The following TMTC1 variants were observed in gnomAD, a reference collection of about 807,000 sequenced individuals.
TMTC1 encodes transmembrane O-mannosyltransferase targeting cadherins 1.
TMTC1 carries 73 observed loss-of-function variants against 104.8 expected under a neutral mutation model. That is an observed-to-expected ratio of 0.70 (90% confidence interval 0.58 to 0.85). TMTC1 has a LOEUF of 0.85. Among genes scored for constraint, TMTC1 ranks in the 40% least tolerant of loss-of-function variants. The pLI is 0.00. For synonymous variants in TMTC1, 434 were observed against 428.7 expected (o/e 1.01, Z -0.15); for missense variants, 1,035 against 1,096.1 (o/e 0.94, Z 0.79).
rs73073469 is a variant in TMTC1, at chr12:29,651,040, G to A, written c.939-17704C>T. Among the ~76,000 whole-genome samples the A allele has an allele frequency of 5.6e-3, 850 of 152,290 alleles. 1 individual carries two copies. Among genetic ancestry groups the A allele is most frequent in the Non-Finnish European group, 9.3e-3 (632 of 68,018 alleles). On this transcript the variant is annotated intron_variant, in intron 5 of 17. Coordinates refer to ENST00000539277, the MANE Select transcript of TMTC1 (RefSeq NM_001193451.2). ...TTTGATTTTCTTCTGAGGCACACGGGGGGCTACGCTTTCCAGCCCCTTTGC... is the reference window on the plus strand; with the variant it reads ...TTTGATTTTCTTCTGAGGCACACGGAGGGCTACGCTTTCCAGCCCCTTTGC...
intron 15 of TMTC1, among the ~76,000 whole-genome samples, 154 bp downstream of exon 15, chr12:29,516,195 G>A (rs536804324): frequency 1.1e-4 from 17 of 152,198 alleles, no homozygotes; most frequent in African/African-American, 3.9e-4. Context: ...GGTGTTAAGG[G>A]GATATCTGTG....
chr12:29,741,327 AC>A (rs1942819036), intron 5 of TMTC1, among the ~76,000 whole-genome samples: 1 of 152,182 alleles, frequency 6.6e-6, no homozygotes, highest in Non-Finnish European at 1.5e-5. Flanking sequence ...TTTAGGATCA[AC>A]CTCTAACTCT....
intron 9 of TMTC1, among the ~76,000 whole-genome samples, chr12:29,566,275 C>T (rs1313841890): frequency 1.3e-5 from 2 of 152,116 alleles, no homozygotes; most frequent in Non-Finnish European, 2.9e-5. Flanking sequence ...CTGGCATGCA[C>T]GTGCCTGCAG....
intron 7 of TMTC1, among the ~76,000 whole-genome samples, chr12:29,596,616 A>G (rs993065782): frequency 7.2e-5 from 11 of 152,206 alleles, no homozygotes; most frequent in Admixed American, 2.0e-4. Context: ...ACATAAGCAC[A>G]CACATCCTCA....
chr12:29,564,942 GAA>G (rs150205558), intron 9 of TMTC1, among the ~76,000 whole-genome samples: 3,927 of 152,260 alleles, frequency 0.026, 182 homozygotes, highest in African/African-American at 0.089. Context: ...GAGCAGAAAA[GAA>G]GAGATCAGCC....
At position 29,768,014 on chromosome 12, in the gene TMTC1, G is replaced by A; in HGVS notation, c.364C>T (p.His122Tyr). Residue 122 changes from histidine to tyrosine, a missense_variant, in exon 2 of 18, where the codon CAC becomes TAC. Coordinates refer to ENST00000539277, the MANE Select transcript of TMTC1 (RefSeq NM_001193451.2). Reference sequence around the variant, plus strand: ...ATCAGCACAAGAGTCACTAAGCAGTGTAAAATTATATTTACTGCATGAAAG... The same window carrying A: ...ATCAGCACAAGAGTCACTAAGCAGTATAAAATTATATTTACTGCATGAAAG... Reference protein sequence around the residue: ...FYFHAVNIILHCLVTLVLMYT... With the variant: ...FYFHAVNIILYCLVTLVLMYT... The A allele has an allele frequency of 6.2e-7, 1 of 1,613,580 alleles. No homozygotes were observed. The highest frequency in any genetic ancestry group is 8.5e-7 in the Non-Finnish European group (1 of 1,179,726).
At chr12:29,521,814 C>T (rs754873541) in intron 11 of TMTC1, among the ~76,000 whole-genome samples, 3 of 152,078 alleles carry the variant, frequency 2.0e-5, no homozygotes, top group African/African-American at 7.2e-5. Context: ...GTGATCCGCC[C>T]GTCTTGGCCT....
chr12:29,676,691 A>AAGGG (rs2136699771), intron 5 of TMTC1, among the ~76,000 whole-genome samples: 1 of 152,330 alleles, frequency 6.6e-6, no homozygotes, highest in African/African-American at 2.4e-5. Context: ...GACACGGCAA[A>AAGGG]TGGTGCTAAT....
intron 9 of TMTC1, among the ~76,000 whole-genome samples, chr12:29,568,140 A>C (rs1347166296): frequency 1.3e-5 from 2 of 152,196 alleles, no homozygotes; most frequent in African/African-American, 4.8e-5. Context: ...AAACATTCTA[A>C]TCAGAAAGAT....
chr12:29,682,466 A>T (rs140522832), intron 5 of TMTC1, among the ~76,000 whole-genome samples: 73 of 152,248 alleles, frequency 4.8e-4, no homozygotes, highest in African/African-American at 1.7e-3. Flanking sequence ...ATAGCGCAAA[A>T]CTGAAAGAAA....
intron 5 of TMTC1, 60 bp downstream of exon 5, chr12:29,751,606 C>T: frequency 6.4e-7 from 1 of 1,567,852 alleles, no homozygotes; most frequent in Non-Finnish European, 8.8e-7. Context: ...GCATCCCAGG[C>T]TGCACTAGGT....
intron 5 of TMTC1, among the ~76,000 whole-genome samples, chr12:29,692,555 T>C (rs1159371696): frequency 6.9e-6 from 1 of 145,424 alleles, no homozygotes; most frequent in Admixed American, 7.1e-5. Context: ...TGGTAGGATA[T>C]GTCAACTGGT....
chr12:29,776,378 A>G (rs552361948), intron 1 of TMTC1, among the ~76,000 whole-genome samples: 5 of 152,350 alleles, frequency 3.3e-5, no homozygotes, highest in Non-Finnish European at 5.9e-5. Flanking sequence ...CTCTGTATAC[A>G]TCTGAGGAAA....
Position 29,518,504 on chromosome 12 carries a change from TC to T in TMTC1, c.1991del (p.Gly664GlufsTer66). On this transcript the variant is annotated frameshift_variant, in exon 13 of 18. Transcript: ENST00000539277. LOFTEE classifies it high-confidence loss of function. The part of the protein sequence containing the change: ...VNLGRLYRSL[G>X]ENSMAEEWYK... Reference sequence around the variant, plus strand: ...ACCATTCTTCAGCCATGCTGTTCTCTCCCAGTGACCTGTAGAGTCTTCCCAA... The same window carrying T: ...ACCATTCTTCAGCCATGCTGTTCTCTCCAGTGACCTGTAGAGTCTTCCCAA... 2 of 1,614,102 alleles carry T rather than the reference TC, an allele frequency of 1.2e-6. No individual in the cohort carries two copies. The highest frequency in any genetic ancestry group is 1.7e-6 in the Non-Finnish European group (2 of 1,179,980).
intron 9 of TMTC1, among the ~76,000 whole-genome samples, chr12:29,571,610 T>TTAACG (rs919256780): frequency 3.4e-5 from 5 of 147,752 alleles, no homozygotes; most frequent in African/African-American, 1.3e-4. Flanking sequence ...ACACACACAA[T>TTAACG]TAACGTATCC....
rs752115639 is a variant in TMTC1 at position 29,633,176 on chromosome 12, A to G, written c.1099T>C (p.Leu367=). Residue 367 remains leucine (L), a synonymous_variant, in exon 6 of 18, where the codon TTG becomes CTG. Transcript: ENST00000539277. ...AAGGCTGCTAAGCAGTGCAGGCTCA[A>G]TAAGGCCATCACAACCGCCAGAAAG... The part of the protein sequence containing the change: ...TIFLAVVMAL[L]SLHCLAAFKR... 3.3e-5 allele frequency: 54 copies of G among 1,614,080 alleles called. No homozygotes were observed. The South Asian group carries it at 4.8e-4, about 14-fold the overall frequency.
chr12:29,534,331 G>A (rs999628963), intron 11 of TMTC1: 10 of 152,218 alleles, frequency 6.6e-5, no homozygotes, highest in African/African-American at 2.2e-4. Context: ...GCCCAAAGGG[G>A]CAGAAGAAAG....
In TMTC1 at chr12:29,674,051, G is replaced by A. The variant is rs12371514; in HGVS notation, c.939-40715C>T. ...TGGGATTACAGGTGTGAGCCACCACGCCCAGCCTTGCCAGAGGGACTTCTC... is the reference window on the plus strand; with the variant it reads ...TGGGATTACAGGTGTGAGCCACCACACCCAGCCTTGCCAGAGGGACTTCTC... On this transcript the variant is annotated intron_variant, in intron 5 of 17. Coordinates refer to ENST00000539277, the MANE Select transcript of TMTC1 (RefSeq NM_001193451.2). Among the ~76,000 whole-genome samples the A allele has an allele frequency of 2.1e-3, 323 of 151,462 alleles. 1 individual carries two copies. The highest frequency in any genetic ancestry group is 3.4e-3 in the Non-Finnish European group (232 of 67,846).
At chr12:29,666,319 C>T (rs1031429089) in intron 5 of TMTC1, 15 of 371,706 alleles carry the variant, frequency 4.0e-5, no homozygotes, top group African/African-American at 3.4e-4. Context: ...GCTCCGCTTC[C>T]TGGGTTCATG....
Sources: allele counts gnomAD v4.1 joint callset (sites outside exome capture counted in the v4.1 genomes callset), GRCh38; gene constraint gnomAD v4.1.1; transcripts MANE v1.5; gene names NCBI Gene and HGNC (gene_info 2026-07-23, HGNC 2026-07-21).